Variants in CTNND1 observed in about 807,000 individuals in gnomAD.
The protein encoded by CTNND1 is catenin delta 1.
CTNND1 carries 16 observed loss-of-function variants against 112.1 expected under a neutral mutation model. That is an observed-to-expected ratio of 0.14 (90% CI 0.10 to 0.22). The LOEUF (loss-of-function observed/expected upper bound fraction) is 0.22. CTNND1 is among the 10% of genes least tolerant of loss of function. The pLI is 1.00. For missense variants in CTNND1, 1,008 were observed against 1,257.0 expected (o/e 0.80, Z 3.00); for synonymous variants, 420 against 446.5 (o/e 0.94, Z 0.75).
At chr11:57,783,645 C>A (rs1319383962) in intron 1 of CTNND1, among the ~76,000 whole-genome samples, 1 of 147,884 alleles carries the variant, frequency 6.8e-6, no homozygotes, top group Non-Finnish European at 1.5e-5. Flanking sequence ...GGTGACAGAG[C>A]GAGACTCCAT....
chr11:57,762,477 G>A (rs1369708438), intron 1 of CTNND1, among the ~76,000 whole-genome samples: 1 of 152,070 alleles, frequency 6.6e-6, no homozygotes, highest in Non-Finnish European at 1.5e-5. Flanking sequence ...TGTCCGTGTC[G>A]GAACCCAGTT....
chr11:57,771,379 T>C (rs1286741911), intron 1 of CTNND1, among the ~76,000 whole-genome samples: 2 of 151,756 alleles, frequency 1.3e-5, no homozygotes, highest in Non-Finnish European at 2.9e-5. Context: ...GTAGAATGAG[T>C]AGTATGGAGG....
chr11:57,804,526 G>C (rs966988179), intron 8 of CTNND1, 137 bp from the exon 9 acceptor site: 2 of 638,638 alleles, frequency 3.1e-6, no homozygotes, highest in Non-Finnish European at 5.5e-6. Flanking sequence ...TCTCTCAACT[G>C]CAGTACCTTG....
At chr11:57,799,731 G>A (rs953969908) in intron 6 of CTNND1, among the ~76,000 whole-genome samples, 5 of 152,098 alleles carry the variant, frequency 3.3e-5, no homozygotes, top group African/African-American at 9.7e-5. Context: ...TTTGGTTATG[G>A]TAATTGTTCT....
intron 5 of CTNND1, among the ~76,000 whole-genome samples, chr11:57,796,096 A>T (rs996194085): frequency 6.6e-6 from 1 of 152,058 alleles, no homozygotes; most frequent in African/African-American, 2.4e-5. Flanking sequence ...ATAGAATTTA[A>T]TTGTTCATGG....
chr11:57,775,485 C>T (rs1447333211), intron 1 of CTNND1, among the ~76,000 whole-genome samples: 1 of 152,058 alleles, frequency 6.6e-6, no homozygotes, highest in Non-Finnish European at 1.5e-5. Context: ...AAAGATGTTA[C>T]CTCTTGATTT....
At chr11:57,793,425 A>G (rs113593502) in intron 3 of CTNND1, among the ~76,000 whole-genome samples, 102 of 151,386 alleles carry the variant, frequency 6.7e-4, no homozygotes, top group Non-Finnish European at 9.9e-4. Flanking sequence ...GGAAAGGGAG[A>G]CTCGTATCTC....
chr11:57,801,678 G>T, intron 6 of CTNND1, 55 bp from the exon 7 acceptor site: 1 of 1,460,536 alleles, frequency 6.8e-7, no homozygotes, highest in Non-Finnish European at 9.4e-7. Flanking sequence ...GGAATGTCCA[G>T]GAAGCTAGCC....
chr11:57,798,830 A>G (rs2061669903), intron 6 of CTNND1, among the ~76,000 whole-genome samples: 1 of 152,146 alleles, frequency 6.6e-6, no homozygotes, highest in Non-Finnish European at 1.5e-5. Flanking sequence ...TTTTCAAACA[A>G]TCTTTTAAAA....
chr11:57,790,355 T>C (rs890477294), intron 2 of CTNND1, among the ~76,000 whole-genome samples: 2 of 151,660 alleles, frequency 1.3e-5, no homozygotes, highest in Non-Finnish European at 2.9e-5. Flanking sequence ...GGATTACAGG[T>C]GTGAGCCACC....
rs182071738 is a variant in CTNND1, at chr11:57,776,027, C to A, written c.-213-13010C>A. Among the ~76,000 whole-genome samples the A allele has an allele frequency of 1.4e-4, 22 of 152,216 alleles. No individual in the cohort carries two copies. In the East Asian group the frequency reaches 3.9e-3, roughly 27 times the overall value. On this transcript the variant is annotated intron_variant, in intron 1 of 20. Transcript: ENST00000399050. ...GGAAGAAACTGAAACTCATTTGACA[C>A]GGAGCGGGGTAAGTTGTGGAAAGGA...
intron 17 of CTNND1, among the ~76,000 whole-genome samples, chr11:57,812,192 A>G (rs754707008): frequency 2.6e-5 from 4 of 152,214 alleles, no homozygotes; most frequent in Non-Finnish European, 5.9e-5. Flanking sequence ...TCACATAGGT[A>G]AAAGCAGAGA....
At chr11:57,782,978 T>C (rs1006486115) in intron 1 of CTNND1, among the ~76,000 whole-genome samples, 2 of 152,224 alleles carry the variant, frequency 1.3e-5, no homozygotes, top group Non-Finnish European at 2.9e-5. Flanking sequence ...CTAGAACTGT[T>C]CTGACTGAGC....
At position 57,761,807 on chromosome 11, in the gene CTNND1, A is replaced by T. The variant is rs1949934944; in HGVS notation, c.-526A>T. The T allele has an allele frequency of 1.0e-6, 1 of 985,214 alleles. No homozygotes were observed. Among genetic ancestry groups the T allele is most frequent in the Admixed American group, 6.2e-5 (1 of 16,236 alleles). The allele number at this position is 985,214 out of a possible 1,614,324, so 61.0% of individuals were successfully genotyped here. A position where few individuals can be genotyped will look rare whatever the true frequency, so the allele number is the denominator to read the frequency against. ...GCGAAGGGGGTAGGGCTGCCAGATC[A>T]GTTTGTCACCACCCAGGCTCCCTTG... is the stretch of plus-strand genomic sequence containing the variant. On this transcript the variant is annotated 5_prime_UTR_variant, in exon 1 of 21. Transcript: ENST00000399050.
rs1428678288 is a variant in CTNND1, at chr11:57,796,999, A to G, written c.956+7A>G. ...ACCCTCGTCGGCGCCTCAGGTAGGC[A>G]AGAATAGGGGAAGAGAAAAGGGTCT... On this transcript the variant is annotated splice_region_variant and intron_variant, in intron 6 of 20. Coordinates refer to ENST00000399050, the MANE Select transcript of CTNND1 (RefSeq NM_001085458.2). 6.9e-7 allele frequency: 1 copy of G among 1,459,006 alleles called. No individual in the cohort carries two copies. The highest frequency in any genetic ancestry group is 9.1e-7 in the Non-Finnish European group (1 of 1,096,628). 90.4% of individuals were successfully genotyped at this position (1,459,006 alleles called of 1,614,324 possible). A position where few individuals can be genotyped will look rare whatever the true frequency, so the allele number is the denominator to read the frequency against.
chr11:57,807,856 A>T (rs1256937986), intron 12 of CTNND1, among the ~76,000 whole-genome samples: 1 of 152,118 alleles, frequency 6.6e-6, no homozygotes, highest in South Asian at 2.1e-4. Flanking sequence ...AATGAGCTAA[A>T]TGGAGCCCCT....
rs1200270623 is a variant in CTNND1, at chr11:57,808,169, T to C, written c.1968T>C (p.Tyr656=). 1.9e-6 allele frequency: 3 copies of C among 1,611,644 alleles called. No homozygotes were observed. Among genetic ancestry groups the C allele is most frequent in the South Asian group, 1.1e-5 (1 of 91,042 alleles). ...TTCTATTTCTCTTTTGTGCAGGCTATGAGCTCTTATTTCAGCCAGAGGTGG... is the reference window on the plus strand; with the variant it reads ...TTCTATTTCTCTTTTGTGCAGGCTACGAGCTCTTATTTCAGCCAGAGGTGG... ...FPKRTSPARG[Y]ELLFQPEVVR... is the part of the protein sequence containing the mutation. The change falls in exon 13 of 21, where the codon TAT becomes TAC. Residue 656 remains tyrosine (Y), a synonymous_variant. Coordinates refer to ENST00000399050, the MANE Select transcript of CTNND1 (RefSeq NM_001085458.2).
intron 17 of CTNND1, among the ~76,000 whole-genome samples, chr11:57,812,655 T>C (rs2063503593): frequency 6.6e-6 from 1 of 152,222 alleles, no homozygotes; most frequent in South Asian, 2.1e-4. Context: ...TTGTTTCAGT[T>C]ACTAGTTAGA....
intron 1 of CTNND1, among the ~76,000 whole-genome samples, chr11:57,786,057 G>A (rs1025766308): frequency 1.3e-5 from 2 of 152,070 alleles, no homozygotes; most frequent in African/African-American, 4.8e-5. Context: ...TCTAGTGTGG[G>A]TGGGATCCAG....
Sources: allele counts gnomAD v4.1 joint callset (sites outside exome capture counted in the v4.1 genomes callset), GRCh38; gene constraint gnomAD v4.1.1; transcripts MANE v1.5; gene names NCBI Gene and HGNC (gene_info 2026-07-23, HGNC 2026-07-21).